Variants in HLTF observed in about 807,000 individuals in gnomAD.
HLTF encodes the protein helicase like transcription factor.
A neutral mutation model predicts 129.4 loss-of-function variants in HLTF; 127 were observed. The ratio of observed to expected loss-of-function variants is 0.98; its 90% CI spans 0.85 to 1.14. The LOEUF (loss-of-function observed/expected upper bound fraction) is 1.14. Among genes scored for constraint, HLTF ranks in the 50% most tolerant of loss-of-function variants. The pLI is 0.00. For missense variants in HLTF, 1,139 were observed against 1,187.1 expected, an observed-to-expected ratio of 0.96 and a Z score of 0.60; for synonymous variants, 332 against 388.8, an observed-to-expected ratio of 0.85 and a Z score of 1.72.
At chr3:149,047,927 AAAGTT>A in intron 17 of HLTF, 96 bp downstream of exon 17, 1 of 951,130 alleles carries the variant, frequency 1.1e-6, no homozygotes, top group Non-Finnish European at 1.5e-6. Context: ...TTTAGAAGGA[AAAGTT>A]AAGAGTCAAG....
chr3:149,079,045 C>T (rs1027177121), intron 2 of HLTF, among the ~76,000 whole-genome samples: 16 of 151,858 alleles, frequency 1.1e-4, no homozygotes, highest in Non-Finnish European at 2.9e-5. Context: ...GAAAAATCAG[C>T]GAAGCTGAAG....
At chr3:149,055,682 A>G (rs1009699940) in intron 13 of HLTF, among the ~76,000 whole-genome samples, 3 of 152,136 alleles carry the variant, frequency 2.0e-5, no homozygotes, top group Non-Finnish European at 4.4e-5. Context: ...TAAGACGAAC[A>G]TTTGTTTTAT....
intron 13 of HLTF, among the ~76,000 whole-genome samples, chr3:149,056,038 G>T (rs554102597): frequency 6.6e-6 from 1 of 152,246 alleles, no homozygotes; most frequent in South Asian, 2.1e-4. Context: ...AGCAAGTAAT[G>T]AGGTCTGCTG....
Position 149,030,884 on chromosome 3 carries a change from T to C in HLTF, c.*1336A>G, listed in dbSNP as rs1714958700. ...TGAGAGATTTGGCATATACCTTCAA[T>C]GTGTGCCCTATAACACAACATTGTC... On this transcript the variant is annotated 3_prime_UTR_variant, in exon 25 of 25. Coordinates refer to ENST00000310053, the MANE Select transcript of HLTF (RefSeq NM_003071.4). The C allele has an allele frequency of 6.6e-6, 1 of 152,212 alleles. No individual in the cohort carries two copies. The highest frequency in any genetic ancestry group is 2.1e-4 in the South Asian group (1 of 4,834). The allele number at this position is 152,212 out of a possible 1,614,324, so 9.4% of individuals were successfully genotyped here.
In HLTF at chr3:149,032,010, C is replaced by T. The variant is rs1715100076; in HGVS notation, c.*210G>A. 1.2e-5 allele frequency: 4 copies of T among 346,944 alleles called. No individual in the cohort carries two copies. Among genetic ancestry groups the T allele is most frequent in the Non-Finnish European group, 2.0e-5 (4 of 196,178 alleles). The allele number at this position is 346,944 out of a possible 1,614,324, so 21.5% of individuals were successfully genotyped here. ...TTTTTTCTCAAATTATTTCAGGCCA[C>T]AGTATATAACGGAACTTATTGCTAT... On this transcript the variant is annotated 3_prime_UTR_variant, in exon 25 of 25. Coordinates refer to ENST00000310053, the MANE Select transcript of HLTF (RefSeq NM_003071.4).
intron 16 of HLTF, among the ~76,000 whole-genome samples, 169 bp from the exon 17 acceptor site, chr3:149,048,332 T>C (rs901802712): frequency 6.6e-6 from 1 of 152,194 alleles, no homozygotes; most frequent in African/African-American, 2.4e-5. Context: ...TTATTAAAAA[T>C]ATACACATCT....
intron 2 of HLTF, among the ~76,000 whole-genome samples, chr3:149,082,566 A>T (rs1014440390): frequency 8.5e-5 from 13 of 152,230 alleles, no homozygotes; most frequent in African/African-American, 2.9e-4. Context: ...AGACGGATAC[A>T]ATCTGTATCT....
At chr3:149,048,794 A>T in intron 16 of HLTF, 69 bp downstream of exon 16, 2 of 1,215,952 alleles carry the variant, frequency 1.6e-6, no homozygotes, top group South Asian at 1.4e-5. Context: ...TTACAAAGTT[A>T]CTTTACTAAC....
chr3:149,064,670 A>C (rs539176917), intron 9 of HLTF, 121 bp downstream of exon 9: 25 of 627,350 alleles, frequency 4.0e-5, no homozygotes, highest in African/African-American at 3.5e-4. Flanking sequence ...ATTTTTGTAC[A>C]GTACAAAGCC....
At chr3:149,074,136 A>T (rs1027572954) in intron 4 of HLTF, 79 bp downstream of exon 4, 2 of 1,380,028 alleles carry the variant, frequency 1.4e-6, no homozygotes, top group Non-Finnish European at 1.9e-6. Flanking sequence ...TAGCCAACAA[A>T]CTCCAAGAGA....
intron 24 of HLTF, 83 bp from the exon 25 acceptor site, chr3:149,032,455 G>T: frequency 1.2e-6 from 1 of 867,404 alleles, no homozygotes; most frequent in South Asian, 2.2e-5. Flanking sequence ...TGAAAGATTT[G>T]CCTAATGGCA....
intron 15 of HLTF, 68 bp from the exon 16 acceptor site, chr3:149,049,069 A>G (rs532756156): frequency 4.4e-4 from 469 of 1,064,810 alleles, no homozygotes; most frequent in Non-Finnish European, 1.3e-4. Flanking sequence ...ATGATTTGCT[A>G]ACTAGTTGTT....
chr3:149,078,938 C>T (rs75988131), intron 2 of HLTF, among the ~76,000 whole-genome samples: 2,748 of 151,718 alleles, frequency 0.018, 85 homozygotes, highest in African/African-American at 0.062. Context: ...AGCATGGAGA[C>T]GATGTCTCAC....
intron 13 of HLTF, among the ~76,000 whole-genome samples, chr3:149,057,107 CAAAAAAAAAAA>C (rs56809507): frequency 0.021 from 582 of 27,778 alleles, 7 homozygotes; most frequent in African/African-American, 0.073. Context: ...GACTCCGTCT[CAAAAAAAAAAA>C]AAAAAAAAAA....
chr3:149,041,856 A>G (rs1278235215), intron 19 of HLTF, 188 bp from the exon 20 acceptor site: 3 of 592,198 alleles, frequency 5.1e-6, no homozygotes, highest in Non-Finnish European at 6.0e-6. Context: ...GCCAACTCAC[A>G]TAATATACCT....
At chr3:149,037,499 A>C (rs1229565620) in intron 23 of HLTF, among the ~76,000 whole-genome samples, 1 of 151,760 alleles carries the variant, frequency 6.6e-6, no homozygotes, top group Non-Finnish European at 1.5e-5. Flanking sequence ...AAGAAAATAC[A>C]ACAGACCATA....
At chr3:149,064,638 C>T (rs1718203916) in intron 9 of HLTF, among the ~76,000 whole-genome samples, 153 bp downstream of exon 9, 1 of 151,992 alleles carries the variant, frequency 6.6e-6, no homozygotes. Context: ...TCAGGGAAGA[C>T]CTTTTAAAAA....
In HLTF at chr3:149,076,001, G is replaced by T; in HGVS notation, c.275C>A (p.Pro92His). 6.5e-7 allele frequency: 1 copy of T among 1,531,190 alleles called. No individual in the cohort carries two copies. Among genetic ancestry groups the T allele is most frequent in the Non-Finnish European group, 9.0e-7 (1 of 1,110,192 alleles). The allele number at this position is 1,531,190 out of a possible 1,614,324, so 94.9% of individuals were successfully genotyped here. A position where few individuals can be genotyped will look rare whatever the true frequency, so the allele number is the denominator to read the frequency against. ...TACTTTAATTGCATTCTTATCATAA[G>T]GGTTATTAGGATCTCGTTGTAATGC... ...MVALQRDPNN[P>H]YDKNAIKVNN... is the part of the protein sequence containing the mutation. Residue 92 changes from proline to histidine, a missense_variant, in exon 3 of 25, where the codon CCT becomes CAT. Pro to His is a moderately conservative substitution (Grantham distance 77). Coordinates refer to ENST00000310053, the MANE Select transcript of HLTF (RefSeq NM_003071.4).
rs1368204428 is a variant in HLTF, at chr3:149,061,758, C to T, written c.1161-900G>A. ...GGCTGAGGCAGGAGAATTGCTTGAA[C>T]CCGGGAGGCAGAGGTTGCAGTGAGC... On this transcript the variant is annotated intron_variant, in intron 10 of 24. Transcript: ENST00000310053. Among the ~76,000 whole-genome samples the T allele has an allele frequency of 3.3e-4, 50 of 151,444 alleles. 1 individual carries two copies. The highest frequency in any genetic ancestry group is 3.0e-3 in the Admixed American group (45 of 15,216).
Sources: allele counts gnomAD v4.1 joint callset (sites outside exome capture counted in the v4.1 genomes callset), GRCh38; gene constraint gnomAD v4.1.1; transcripts MANE v1.5; gene names NCBI Gene and HGNC (gene_info 2026-07-23, HGNC 2026-07-21).